Variants in PI4KA observed in about 807,000 individuals in gnomAD.
The protein encoded by PI4KA is PI4-kinase alpha.
PI4KA carries 122 observed loss-of-function variants against 271.4 expected under a neutral mutation model. That is an observed-to-expected ratio of 0.45 (90% CI 0.39 to 0.52). The LOEUF is 0.52. Ranked by LOEUF, PI4KA falls within the 20% of genes least tolerant of loss-of-function variation. PI4KA has a pLI of 0.00. For missense variants in PI4KA, 1,969 were observed against 2,769.1 expected, an observed-to-expected ratio of 0.71 and a Z score of 6.48; for synonymous variants, 1,041 against 1,078.8, an observed-to-expected ratio of 0.96 and a Z score of 0.69.
Position 20,786,952 on chromosome 22 carries a change from G to A in PI4KA, c.2328+6241C>T, listed in dbSNP as rs776565464. The A allele has an allele frequency of 2.2e-5, 36 of 1,613,994 alleles. 1 individual carries two copies. Among genetic ancestry groups the A allele is most frequent in the South Asian group, 5.5e-5 (5 of 91,080 alleles). On this transcript the variant is annotated intron_variant, in intron 19 of 54. Transcript: ENST00000255882. ...CTGTGACCACGGTGGGGTTCATGCC[G>A]CTGTCCACCCAAGTCCGCTTCACTG...
intron 1 of PI4KA, among the ~76,000 whole-genome samples, chr22:20,843,073 G>A (rs572702007): frequency 6.1e-4 from 92 of 150,556 alleles, no homozygotes; most frequent in African/African-American, 2.1e-3. Context: ...ACTCCAGCCT[G>A]GGCGACAGAG....
chr22:20,810,375 G>A (rs1462374597), intron 9 of PI4KA, among the ~76,000 whole-genome samples: 4 of 152,068 alleles, frequency 2.6e-5, no homozygotes, highest in Admixed American at 1.3e-4. Flanking sequence ...TGGGTGTGGT[G>A]GAGGGTGCCT....
chr22:20,782,881 T>C (rs992542794), intron 19 of PI4KA, among the ~76,000 whole-genome samples: 1 of 152,172 alleles, frequency 6.6e-6, no homozygotes, highest in Non-Finnish European at 1.5e-5. Context: ...CGAGCTTCAC[T>C]CACAGGCAGG....
intron 30 of PI4KA, 85 bp downstream of exon 30, chr22:20,744,543 T>A: frequency 1.1e-6 from 1 of 914,820 alleles, no homozygotes; most frequent in Non-Finnish European, 1.8e-6. Context: ...GGACGCTTTG[T>A]TCATTTTCCA....
intron 19 of PI4KA, among the ~76,000 whole-genome samples, chr22:20,792,322 G>A (rs1934695446): frequency 6.6e-6 from 1 of 152,138 alleles, no homozygotes; most frequent in Admixed American, 6.5e-5. Flanking sequence ...ATGAGACCAG[G>A]AGAGGTGCCT....
intron 3 of PI4KA, among the ~76,000 whole-genome samples, chr22:20,831,813 T>A (rs1300785696): frequency 6.6e-6 from 1 of 152,140 alleles, no homozygotes; most frequent in Non-Finnish European, 1.5e-5. Context: ...ATGGTCTTCT[T>A]GTGTAGTATT....
At chr22:20,831,543 G>A (rs963648618) in intron 3 of PI4KA, among the ~76,000 whole-genome samples, 1 of 152,122 alleles carries the variant, frequency 6.6e-6, no homozygotes, top group African/African-American at 2.4e-5. Flanking sequence ...ACTCCAGCCT[G>A]AGTGATGGAG....
chr22:20,737,095 G>A (rs111959759), intron 32 of PI4KA, among the ~76,000 whole-genome samples: 253 of 152,344 alleles, frequency 1.7e-3, no homozygotes, highest in African/African-American at 5.7e-3. Context: ...CCAAGCCACT[G>A]AAGGGATGCA....
chr22:20,726,594 C>T (rs1927381749), intron 41 of PI4KA, 53 bp from the exon 42 acceptor site: 4 of 1,497,194 alleles, frequency 2.7e-6, no homozygotes, highest in East Asian at 5.2e-5. Context: ...AGCCACCCAA[C>T]CCTACGGCCC....
chr22:20,767,968 T>TTATTA (rs1932686926), intron 19 of PI4KA, among the ~76,000 whole-genome samples: 1 of 144,752 alleles, frequency 6.9e-6, no homozygotes, highest in Non-Finnish European at 1.5e-5. Flanking sequence ...ATTATTATTA[T>TTATTA]TATTATTATT....
Position 20,734,423 on chromosome 22 carries a change from T to C in PI4KA, c.3872A>G (p.Glu1291Gly). 1 of 1,605,492 alleles carries C rather than the reference T, an allele frequency of 6.2e-7. No individual in the cohort carries two copies. The highest frequency in any genetic ancestry group is 8.5e-7 in the Non-Finnish European group (1 of 1,173,724). Reference protein sequence around the residue: ...EASQPKPCPPEVTPHYIWIDF... With the variant: ...EASQPKPCPPGVTPHYIWIDF... ...GATCCAGATGTAGTGGGGGGTCACT[T>C]CGGGGGGACAGGGTTTGGGTTGACT... is the stretch of plus-strand genomic sequence containing the variant. The change falls in exon 33 of 55, where the codon GAA (glutamate) becomes GGA (glycine). Residue 1291 changes from glutamate to glycine, a missense_variant. Coordinates refer to ENST00000255882, the MANE Select transcript of PI4KA (RefSeq NM_058004.4).
rs552019610 is a variant in PI4KA at position 20,808,454 on chromosome 22, G to A, written c.1072-996C>T. Among the ~76,000 whole-genome samples the A allele has an allele frequency of 3.4e-5, 5 of 149,184 alleles. No individual in the cohort carries two copies. The South Asian group carries it at 8.5e-4, about 25-fold the overall frequency. On this transcript the variant is annotated intron_variant, in intron 9 of 54. Coordinates refer to ENST00000255882, the MANE Select transcript of PI4KA (RefSeq NM_058004.4). ...TAAAAATACAAAAAATTAGCCGGGC[G>A]TGGTGGCGTGCACCTGTAATCCCAG...
intron 42 of PI4KA, chr22:20,726,205 G>C (rs750454393): frequency 8.6e-6 from 3 of 350,370 alleles, no homozygotes; most frequent in Non-Finnish European, 1.5e-5. Flanking sequence ...GGACCCCACC[G>C]ATGAGAGGGA....
chr22:20,763,881 C>G (rs143868025), intron 22 of PI4KA, among the ~76,000 whole-genome samples: 5 of 152,292 alleles, frequency 3.3e-5, no homozygotes, highest in Non-Finnish European at 7.4e-5. Context: ...GGAGACTGAG[C>G]AGGAGGGTAG....
intron 1 of PI4KA, among the ~76,000 whole-genome samples, chr22:20,844,835 CAGAG>C (rs1178271043): frequency 6.6e-6 from 1 of 152,148 alleles, no homozygotes; most frequent in African/African-American, 2.4e-5. Context: ...GAAACAGACA[CAGAG>C]AGGTCAAAGT....
chr22:20,736,785 T>A (rs1307935868), intron 32 of PI4KA: 1 of 110,612 alleles, frequency 9.0e-6, no homozygotes, highest in Non-Finnish European at 1.9e-5. Context: ...CTACAGTGAA[T>A]GGAGGGACCT....
chr22:20,837,173 G>C (rs1453513144), intron 2 of PI4KA, among the ~76,000 whole-genome samples: 2 of 152,196 alleles, frequency 1.3e-5, no homozygotes, highest in East Asian at 3.8e-4. Context: ...AGGATCACTT[G>C]AGACCAGGGT....
rs1490635095 is a variant in PI4KA, at chr22:20,761,309, T to A, written c.2786A>T (p.Lys929Ile). Residue 929 changes from lysine to isoleucine, a missense_variant, in exon 23 of 55, where the codon AAA becomes ATA. Lys to Ile is a moderately radical substitution (Grantham distance 102, BLOSUM62 -3). Transcript: ENST00000255882. ...YFEDKAIQKDKSGMMQCVIAV... is the reference protein window; with the variant it reads ...YFEDKAIQKDISGMMQCVIAV... ...CACCATAATAATGAGCTTACCAGATTTGTCTTTCTGAATAGCTTTATCCTC... is the reference window on the plus strand; with the variant it reads ...CACCATAATAATGAGCTTACCAGATATGTCTTTCTGAATAGCTTTATCCTC... 5 of 1,594,838 alleles carry A rather than the reference T, an allele frequency of 3.1e-6. No individual in the cohort carries two copies.
intron 50 of PI4KA, among the ~76,000 whole-genome samples, chr22:20,712,089 A>C (rs1370697799): frequency 4.7e-5 from 5 of 106,970 alleles, no homozygotes; most frequent in Admixed American, 1.0e-4. Flanking sequence ...ATGGAGTCTC[A>C]CTCTGTTGCC....
Sources: allele counts gnomAD v4.1 joint callset (sites outside exome capture counted in the v4.1 genomes callset), GRCh38; gene constraint gnomAD v4.1.1; transcripts MANE v1.5; gene names NCBI Gene and HGNC (gene_info 2026-07-23, HGNC 2026-07-21).